Variants in MTSS2 observed in about 807,000 individuals in gnomAD.
The protein encoded by MTSS2 is MTSS I-BAR domain containing 2.
MTSS2 carries 27 observed loss-of-function variants against 67.1 expected under a neutral mutation model. The observed-to-expected ratio is 0.40, with a 90% CI of 0.30 to 0.55. The LOEUF is 0.55. Ranked by LOEUF, MTSS2 falls within the 20% of genes least tolerant of loss-of-function variation. MTSS2 has a pLI of 0.43. For missense variants in MTSS2, 1,171 were observed against 1,067.8 expected (o/e 1.10, Z -1.35); for synonymous variants, 624 against 468.6 (o/e 1.33, Z -4.28).
At chr16:70,680,913 G>T (rs2053285000) in intron 2 of MTSS2, 46 bp from the exon 3 acceptor site, 7 of 1,392,948 alleles carry the variant, frequency 5.0e-6, no homozygotes, top group South Asian at 2.4e-5. Context: ...TTGGGCGGGG[G>T]GGGGGCCTCT....
chr16:70,675,722 A>G (rs938120828), intron 10 of MTSS2, among the ~76,000 whole-genome samples: 3 of 152,292 alleles, frequency 2.0e-5, no homozygotes, highest in East Asian at 1.9e-4. Context: ...GGTGAGTCCA[A>G]TCATTCCTAA....
rs2151900053 is a variant in MTSS2 at position 70,662,919 on chromosome 16, T to A, written c.*758A>T. The A allele has an allele frequency of 6.6e-6, 1 of 152,314 alleles. No homozygotes were observed. Among genetic ancestry groups the A allele is most frequent in the East Asian group, 1.9e-4 (1 of 5,158 alleles). The allele number at this position is 152,314 out of a possible 1,614,324, so 9.4% of individuals were successfully genotyped here. ...GCCGGTGACCCCAGGGCCTCCGGCCTCCTAACCCTGCTGCCCTAGTTTCCA... is the reference window on the plus strand; with the variant it reads ...GCCGGTGACCCCAGGGCCTCCGGCCACCTAACCCTGCTGCCCTAGTTTCCA... On this transcript the variant is annotated 3_prime_UTR_variant, in exon 15 of 15. Coordinates refer to ENST00000338779, the MANE Select transcript of MTSS2 (RefSeq NM_138383.3).
Position 70,664,205 on chromosome 16 carries a change from G to A in MTSS2, c.1716C>T (p.Pro572=), listed in dbSNP as rs377091449. ...CGCTGGACAGGGCGCGGCGCACGGT[G>A]GGCTTGGTGGAGGGTGTGCGGCGGA... ...ATIRRTPSTK[P]TVRRALSSAG... is the part of the protein sequence containing the mutation. Residue 572 remains proline (P), a synonymous_variant, in exon 15 of 15, where the codon CCC becomes CCT. Coordinates refer to ENST00000338779, the MANE Select transcript of MTSS2 (RefSeq NM_138383.3). 1 of 1,592,448 alleles carries A rather than the reference G, an allele frequency of 6.3e-7. No homozygotes were observed. Among genetic ancestry groups the A allele is most frequent in the Non-Finnish European group, 8.5e-7 (1 of 1,173,746 alleles).
chr16:70,664,509 C>A, intron 14 of MTSS2, 60 bp from the exon 15 acceptor site: 1 of 1,559,102 alleles, frequency 6.4e-7, no homozygotes, highest in South Asian at 1.2e-5. Context: ...CCCAGCCCAC[C>A]AGGGTGAGCA....
Position 70,683,321 on chromosome 16 carries a change from T to C in MTSS2, c.70-2296A>G, listed in dbSNP as rs116288225. Among the ~76,000 whole-genome samples the C allele has an allele frequency of 5.0e-3, 755 of 152,244 alleles. 6 individuals carry two copies. The highest frequency in any genetic ancestry group is 0.017 in the African/African-American group (713 of 41,552). On this transcript the variant is annotated intron_variant, in intron 1 of 14. Coordinates refer to ENST00000338779, the MANE Select transcript of MTSS2 (RefSeq NM_138383.3). ...CTGCCCCACTGGGTCAGTGTGGAAA[T>C]TGAAGCAGGTGCTGCTCAGCCAGCA... is the stretch of plus-strand genomic sequence containing the variant.
intron 1 of MTSS2, among the ~76,000 whole-genome samples, chr16:70,685,239 C>A (rs546369246): frequency 2.6e-5 from 4 of 152,006 alleles, no homozygotes; most frequent in Non-Finnish European, 5.9e-5. Context: ...GTCTCACGGT[C>A]GGGTGCAGAG....
intron 11 of MTSS2, among the ~76,000 whole-genome samples, chr16:70,669,161 T>C (rs545580085): frequency 1.3e-5 from 2 of 152,196 alleles, no homozygotes; most frequent in African/African-American, 4.8e-5. Flanking sequence ...TAAAAATGGA[T>C]AAACTGGACT....
Position 70,679,643 on chromosome 16 carries a change from C to T in MTSS2, c.444G>A (p.Lys148=), listed in dbSNP as rs1486625337. The stretch of plus-strand genomic sequence containing the variant: ...GCCAGGCACTACCTTTGCGCGCCTT[C>T]TTCTGCAGCTTCAGCGTGTCCGACG... ...KKSSDTLKLQ[K]KARKELLGKG... Residue 148 remains lysine, a synonymous_variant, in exon 6 of 15, where the codon AAG becomes AAA. Transcript: ENST00000338779. 1 of 1,606,640 alleles carries T rather than the reference C, an allele frequency of 6.2e-7. No homozygotes were observed. The highest frequency in any genetic ancestry group is 1.7e-5 in the Admixed American group (1 of 59,206).
chr16:70,663,464 AG>A lies in MTSS2; in HGVS notation c.*212del. The A allele has an allele frequency of 2.3e-6, 2 of 880,918 alleles. No individual in the cohort carries two copies. The highest frequency in any genetic ancestry group is 3.8e-5 in the South Asian group (2 of 52,482). 54.6% of individuals were successfully genotyped at this position (880,918 alleles called of 1,614,324 possible). ...ATAAAACAGACCCCGAACCAGGCCC[AG>A]GCCTGCAGGCTCCGTCCTGGCCAGG... On this transcript the variant is annotated 3_prime_UTR_variant, in exon 15 of 15. Coordinates refer to ENST00000338779, the MANE Select transcript of MTSS2 (RefSeq NM_138383.3).
In MTSS2 at chr16:70,663,502, G is replaced by A. The variant is rs2052569256; in HGVS notation, c.*175C>T. On this transcript the variant is annotated 3_prime_UTR_variant, in exon 15 of 15. Transcript: ENST00000338779. The stretch of plus-strand genomic sequence containing the variant: ...CCGTCCTGGCCAGGCTTGCTAAGAA[G>A]TCACTTCCTGTTTAAATGCTGGAAT... 6.3e-6 allele frequency: 8 copies of A among 1,262,390 alleles called. No individual in the cohort carries two copies. In the South Asian group the frequency reaches 9.5e-5, roughly 15 times the overall value. The allele number at this position is 1,262,390 out of a possible 1,614,324, so 78.2% of individuals were successfully genotyped here. A position where few individuals can be genotyped will look rare whatever the true frequency, so the allele number is the denominator to read the frequency against.
chr16:70,664,727 C>A lies in MTSS2; in HGVS notation c.1342G>T (p.Ala448Ser). Reference protein sequence around the residue: ...EEVSPAASDLAMVLTRGLSLE... With the variant: ...EEVSPAASDLSMVLTRGLSLE... Reference sequence around the variant, plus strand: ...CTCAGGCCCCGCGTCAGCACCATGGCCAGGTCACTGGCGGCGGGGGACACC... The same window carrying A: ...CTCAGGCCCCGCGTCAGCACCATGGACAGGTCACTGGCGGCGGGGGACACC... Residue 448 changes from alanine (A) to serine (S), a missense_variant, in exon 14 of 15, where the codon GCC becomes TCC. This residue lies in a region of MTSS2 where 924 missense variants were observed against 756.0 expected (regional missense o/e 1.22). Coordinates refer to ENST00000338779, the MANE Select transcript of MTSS2 (RefSeq NM_138383.3). The A allele has an allele frequency of 6.2e-7, 1 of 1,613,026 alleles. No homozygotes were observed. The highest frequency in any genetic ancestry group is 8.5e-7 in the Non-Finnish European group (1 of 1,179,770).
rs370198533 is a variant in MTSS2, at chr16:70,676,914, C to G, written c.797G>C (p.Ser266Thr). The G allele has an allele frequency of 3.7e-6, 6 of 1,613,692 alleles. No homozygotes were observed. The highest frequency in any genetic ancestry group is 5.1e-6 in the Non-Finnish European group (6 of 1,179,982). The change falls in exon 10 of 15, where the codon AGC becomes ACC. Residue 266 changes from serine to threonine, a missense_variant. Coordinates refer to ENST00000338779, the MANE Select transcript of MTSS2 (RefSeq NM_138383.3). ...GCTGGACTTCCGGGAGCTGGAGCTG[C>G]TGGGTGATGAGGGTGGGGTCTGGTA... ...WSYQTPPSSP[S>T]SSSSRKSSMC...
Position 70,679,831 on chromosome 16 carries a change from C to T in MTSS2, c.337G>A (p.Asp113Asn). ...AGCTGGTTGGCCGCCTTCTTCCAGT[C>T]CTCGATGCGCTCCTGCAGCGGGTTG... ...LINPLQERIEDWKKAANQLDK... is the reference protein window; with the variant it reads ...LINPLQERIENWKKAANQLDK... The change falls in exon 5 of 15, where the codon GAC (aspartate) becomes AAC (asparagine). Residue 113 changes from aspartate to asparagine, a missense_variant. Around this residue, in one of 2 missense-constraint regions of MTSS2, gnomAD observed 247 missense variants for 311.8 expected, o/e 0.79. Transcript: ENST00000338779. The T allele has an allele frequency of 6.2e-7, 1 of 1,607,450 alleles. No homozygotes were observed. The highest frequency in any genetic ancestry group is 8.5e-7 in the Non-Finnish European group (1 of 1,179,630).
At position 70,664,062 on chromosome 16, in the gene MTSS2, T is replaced by C. The variant is rs950102455; in HGVS notation, c.1859A>G (p.Asp620Gly). 12 of 1,611,286 alleles carry C rather than the reference T, an allele frequency of 7.4e-6. No individual in the cohort carries two copies. The highest frequency in any genetic ancestry group is 1.0e-5 in the Non-Finnish European group (12 of 1,179,352). The part of the protein sequence containing the change: ...AGSEECVFYT[D>G]ETASPLAPDL... ...CGGTGCCAGGGGTGAGGCGGTCTCG[T>C]CGGTATAGAAGACGCACTCCTCACT... Residue 620 changes from aspartate (D) to glycine (G), a missense_variant, in exon 15 of 15, where the codon GAC becomes GGC. Physicochemically the swap from Asp to Gly is moderately conservative, Grantham distance 94 (BLOSUM62 -1). Transcript: ENST00000338779.
intron 4 of MTSS2, 44 bp downstream of exon 4, chr16:70,679,927 G>GGCCC: frequency 6.7e-6 from 10 of 1,491,218 alleles, no homozygotes; most frequent in Non-Finnish European, 8.1e-6. Context: ...CCCCCGCGAC[G>GGCCC]CCCCGTCCCC....
At chr16:70,681,164 C>G (rs1021358947) in intron 1 of MTSS2, 139 bp from the exon 2 acceptor site, 30 of 761,492 alleles carry the variant, frequency 3.9e-5, no homozygotes, top group Non-Finnish European at 5.6e-5. Context: ...GAGGGAGGCT[C>G]TGGGTCCTCT....
chr16:70,674,272 C>T, intron 11 of MTSS2, 34 bp downstream of exon 11: 1 of 1,596,118 alleles, frequency 6.3e-7, no homozygotes, highest in Non-Finnish European at 8.5e-7. Context: ...GCTGCTGCAC[C>T]CCACCCTGAC....
At chr16:70,679,349 G>A (rs1233823402) in intron 6 of MTSS2, 26 bp from the exon 7 acceptor site, 13 of 1,613,588 alleles carry the variant, frequency 8.1e-6, no homozygotes, top group Non-Finnish European at 1.1e-5. Context: ...GGGAGGAGAG[G>A]AGGAGAGACA....
chr16:70,669,406 G>C (rs1243559513), intron 11 of MTSS2, among the ~76,000 whole-genome samples: 1 of 152,222 alleles, frequency 6.6e-6, no homozygotes, highest in Non-Finnish European at 1.5e-5. Flanking sequence ...AAGGTAGCTG[G>C]GTTCAATGGC....
Sources: allele counts gnomAD v4.1 joint callset (sites outside exome capture counted in the v4.1 genomes callset), GRCh38; gene constraint gnomAD v4.1.1; regional missense constraint gnomAD v4.1.1; transcripts MANE v1.5; gene names NCBI Gene and HGNC (gene_info 2026-07-23, HGNC 2026-07-21).